GYG1: variants seen among roughly 807,000 people sequenced by gnomAD.
The protein encoded by GYG1 is glycogenin-1.
A neutral mutation model predicts 41.9 loss-of-function variants in GYG1; 44 were observed. The observed-to-expected ratio is 1.05, with a 90% CI of 0.83 to 1.35. The LOEUF (loss-of-function observed/expected upper bound fraction) is 1.35. GYG1 is among the 40% of genes most tolerant of loss of function. The pLI is 0.00. For synonymous variants in GYG1, 141 were observed against 158.1 expected, an observed-to-expected ratio of 0.89 and a Z score of 0.81; for missense variants, 429 against 418.9, an observed-to-expected ratio of 1.02 and a Z score of -0.21.
chr3:149,021,840 C>A (rs1168391692), intron 5 of GYG1, among the ~76,000 whole-genome samples: 1 of 151,830 alleles, frequency 6.6e-6, no homozygotes, highest in East Asian at 1.9e-4. Context: ...ATATCATGCT[C>A]AAATATCTTG....
intron 5 of GYG1, among the ~76,000 whole-genome samples, chr3:149,022,193 G>T (rs148838417): frequency 6.6e-6 from 1 of 152,170 alleles, no homozygotes; most frequent in Non-Finnish European, 1.5e-5. Flanking sequence ...ATTCACGTTT[G>T]GTTTTTGTTT....
chr3:149,022,608 G>A lies in GYG1; in HGVS notation c.609-1445G>A, dbSNP rs1003533419. On this transcript the variant is annotated intron_variant, in intron 5 of 7. Transcript: ENST00000345003. ...ACTCCCGGGTTCAAGGGATTCTCCT[G>A]CCTCAGCCTCCTGAGTAGCTGTGAT... Among the ~76,000 whole-genome samples, 4 of 148,342 alleles carry A rather than the reference G, an allele frequency of 2.7e-5. No individual in the cohort carries two copies. The Admixed American group carries it at 2.7e-4, about 10-fold the overall frequency.
rs1245699186 is a variant in GYG1 at position 149,028,658 on chromosome 3, C to G, written c.*1725C>G. 6.6e-6 allele frequency among the ~76,000 whole-genome samples: 1 copy of G among 151,498 alleles called. No homozygotes were observed. Reference sequence around the variant, plus strand: ...TACCGTTCATTCTCTATTTTTTACACAGTAGCATAACAAAGCTCTAAGGTG... The same window carrying G: ...TACCGTTCATTCTCTATTTTTTACAGAGTAGCATAACAAAGCTCTAAGGTG... On this transcript the variant is annotated 3_prime_UTR_variant, in exon 8 of 8. Coordinates refer to ENST00000345003, the MANE Select transcript of GYG1 (RefSeq NM_004130.4).
At chr3:149,014,690 A>T (rs1045796677) in intron 5 of GYG1, among the ~76,000 whole-genome samples, 1 of 152,036 alleles carries the variant, frequency 6.6e-6, no homozygotes, top group African/African-American at 2.4e-5. Flanking sequence ...TACTAAAAAA[A>T]AAAATACATA....
At chr3:149,005,005 T>C (rs1713311699) in intron 4 of GYG1, among the ~76,000 whole-genome samples, 1 of 152,222 alleles carries the variant, frequency 6.6e-6, no homozygotes, top group South Asian at 2.1e-4. Context: ...AGTTCTACTT[T>C]ACAACTACGA....
rs772891547 is a variant in GYG1 at position 148,994,259 on chromosome 3, A to G, written c.125A>G (p.Gln42Arg). ...TRRLVVLATP[Q>R]VSDSMRKVLE... is the part of the protein sequence containing the mutation. Reference sequence around the variant, plus strand: ...AGGCTGGTCGTGCTCGCCACCCCTCAGGTCTCAGACTCCATGAGGTGAGGA... The same window carrying G: ...AGGCTGGTCGTGCTCGCCACCCCTCGGGTCTCAGACTCCATGAGGTGAGGA... The change falls in exon 2 of 8, where the codon CAG (glutamine) becomes CGG (arginine). Residue 42 changes from glutamine to arginine, a missense_variant. Physicochemically the swap from Gln to Arg is conservative, Grantham distance 43. Coordinates refer to ENST00000345003, the MANE Select transcript of GYG1 (RefSeq NM_004130.4). 2 of 1,614,116 alleles carry G rather than the reference A, an allele frequency of 1.2e-6. No individual in the cohort carries two copies. The highest frequency in any genetic ancestry group is 2.2e-5 in the South Asian group (2 of 91,086).
At chr3:149,024,598 A>C (rs1714552418) in intron 6 of GYG1, among the ~76,000 whole-genome samples, 1 of 152,180 alleles carries the variant, frequency 6.6e-6, no homozygotes, top group Admixed American at 6.5e-5. Context: ...TAAAAACAAC[A>C]CCCCATTGAA....
chr3:149,010,437 C>T (rs1267193549), intron 5 of GYG1, among the ~76,000 whole-genome samples: 4 of 151,684 alleles, frequency 2.6e-5, no homozygotes, highest in African/African-American at 9.7e-5. Context: ...AGTGATTCTC[C>T]TGCCTCAGCC....
At chr3:149,016,266 A>G (rs1340236426) in intron 5 of GYG1, among the ~76,000 whole-genome samples, 4 of 150,276 alleles carry the variant, frequency 2.7e-5, no homozygotes, top group Non-Finnish European at 5.9e-5. Flanking sequence ...GTCTCAAAAA[A>G]AAAAAAAAAA....
rs2806 is a variant in GYG1, at chr3:149,031,252, A to T, written c.*4319A>T. The T allele has an allele frequency of 6.6e-6, 1 of 152,658 alleles. No homozygotes were observed. Among genetic ancestry groups the T allele is most frequent in the Admixed American group, 6.5e-5 (1 of 15,280 alleles). The allele number at this position is 152,658 out of a possible 1,614,324, so 9.5% of individuals were successfully genotyped here. On this transcript the variant is annotated 3_prime_UTR_variant, in exon 8 of 8. Coordinates refer to ENST00000345003, the MANE Select transcript of GYG1 (RefSeq NM_004130.4). Reference sequence around the variant, plus strand: ...AAAATCAAATTCTGATTCTAAACACATAACAATTGTTTACATTCAGGATTA... The same window carrying T: ...AAAATCAAATTCTGATTCTAAACACTTAACAATTGTTTACATTCAGGATTA...
chr3:149,003,640 T>C (rs1174961042), intron 4 of GYG1, among the ~76,000 whole-genome samples: 1 of 152,204 alleles, frequency 6.6e-6, no homozygotes, highest in African/African-American at 2.4e-5. Flanking sequence ...ACAAATTCCC[T>C]AGGGATTAAG....
intron 4 of GYG1, among the ~76,000 whole-genome samples, chr3:149,002,523 A>G (rs967586482): frequency 2.6e-5 from 4 of 152,226 alleles, no homozygotes; most frequent in African/African-American, 7.2e-5. Context: ...GGTTGAGGCC[A>G]GTGAGATGCC....
chr3:149,028,184 C>T lies in GYG1; in HGVS notation c.*1251C>T, dbSNP rs1427851404. Among the ~76,000 whole-genome samples, 2 of 152,102 alleles carry T rather than the reference C, an allele frequency of 1.3e-5. No homozygotes were observed. The highest frequency in any genetic ancestry group is 4.8e-5 in the African/African-American group (2 of 41,416). ...TAGAGGTTTGATTGGGCAAAAGCTG[C>T]AAAGCTTTTGTGACTTAGCCTTCAA... is the stretch of plus-strand genomic sequence containing the variant. On this transcript the variant is annotated 3_prime_UTR_variant, in exon 8 of 8. Coordinates refer to ENST00000345003, the MANE Select transcript of GYG1 (RefSeq NM_004130.4).
At chr3:149,003,138 G>A (rs1193799027) in intron 4 of GYG1, among the ~76,000 whole-genome samples, 2 of 142,388 alleles carry the variant, frequency 1.4e-5, no homozygotes, top group African/African-American at 5.2e-5. Context: ...TTTTTGAGAT[G>A]GAGTTTCACT....
In GYG1 at chr3:149,009,324, C is replaced by G; in HGVS notation, c.530C>G (p.Thr177Arg). ...LNTFFSSWAT[T>R]DIRKHLPFIY... ...ACATTTTTTAGCAGCTGGGCAACAACAGATATCAGAAAACACCTGCCGTTT... is the reference window on the plus strand; with the variant it reads ...ACATTTTTTAGCAGCTGGGCAACAAGAGATATCAGAAAACACCTGCCGTTT... The change falls in exon 5 of 8, where the codon ACA becomes AGA. Residue 177 changes from threonine (T) to arginine (R), a missense_variant. Physicochemically the swap from Thr to Arg is moderately conservative, Grantham distance 71. Coordinates refer to ENST00000345003, the MANE Select transcript of GYG1 (RefSeq NM_004130.4). 1 of 1,612,914 alleles carries G rather than the reference C, an allele frequency of 6.2e-7. No homozygotes were observed.
chr3:149,011,707 C>A (rs1474102262), intron 5 of GYG1, among the ~76,000 whole-genome samples: 1 of 152,136 alleles, frequency 6.6e-6, no homozygotes, highest in East Asian at 1.9e-4. Flanking sequence ...ATGAATTGCC[C>A]CCAAAAAACC....
At chr3:149,012,997 TTG>T (rs10575910) in intron 5 of GYG1, among the ~76,000 whole-genome samples, 22,178 of 141,250 alleles carry the variant, frequency 0.16, 2,018 homozygotes, top group East Asian at 0.28. Flanking sequence ...CTCAGTTAAT[TTG>T]TGTGTGTGTG....
chr3:149,020,475 A>C (rs899545297), intron 5 of GYG1, among the ~76,000 whole-genome samples: 1 of 152,226 alleles, frequency 6.6e-6, no homozygotes, highest in Non-Finnish European at 1.5e-5. Flanking sequence ...CTCACCAGCC[A>C]TGGGATCCTG....
intron 5 of GYG1, among the ~76,000 whole-genome samples, chr3:149,020,216 T>C (rs1399178131): frequency 6.6e-6 from 1 of 152,256 alleles, no homozygotes; most frequent in African/African-American, 2.4e-5. Context: ...CTTCATAATA[T>C]GCTTTCCTAT....
Sources: allele counts gnomAD v4.1 joint callset (sites outside exome capture counted in the v4.1 genomes callset), GRCh38; gene constraint gnomAD v4.1.1; transcripts MANE v1.5; gene names NCBI Gene and HGNC (gene_info 2026-07-23, HGNC 2026-07-21).